DMGDH: variants seen among roughly 807,000 people sequenced by gnomAD.
The protein encoded by DMGDH is dimethylglycine dehydrogenase, mitochondrial.
Under a neutral mutation model 95.2 loss-of-function variants are expected in DMGDH, and 76 were observed. The ratio of observed to expected loss-of-function variants is 0.80; its 90% CI spans 0.66 to 0.97. The LOEUF (loss-of-function observed/expected upper bound fraction) is 0.97, where lower values mean the gene tolerates loss of function less well. Among genes scored for constraint, DMGDH ranks in the 50% least tolerant of loss-of-function variants. The probability of loss-of-function intolerance (pLI) is 0.00; values close to 1 mark genes in which losing one functional copy is unlikely to be tolerated. For synonymous variants in DMGDH, 345 were observed against 377.6 expected (o/e 0.91, Z 1.00); for missense variants, 987 against 1,055.0 (o/e 0.94, Z 0.89).
At chr5:79,051,731 G>T (rs1754870391) in intron 4 of DMGDH, among the ~76,000 whole-genome samples, 1 of 152,044 alleles carries the variant, frequency 6.6e-6, no homozygotes, top group Non-Finnish European at 1.5e-5. Context: ...TCTGACATTT[G>T]AAGACAAATC....
At chr5:79,050,260 A>T (rs1754805757) in intron 5 of DMGDH, among the ~76,000 whole-genome samples, 1 of 58,996 alleles carries the variant, frequency 1.7e-5, no homozygotes, top group African/African-American at 6.4e-5. Context: ...AAAAAAAAAA[A>T]AAAAAAAAAA....
intron 14 of DMGDH, among the ~76,000 whole-genome samples, chr5:79,016,475 T>G (rs753120824): frequency 1.3e-5 from 2 of 152,082 alleles, no homozygotes; most frequent in African/African-American, 2.4e-5. Context: ...AAATTAAAAA[T>G]ACCATCTACA....
At chr5:79,059,401 C>A (rs187980099) in intron 2 of DMGDH, among the ~76,000 whole-genome samples, 46 of 152,326 alleles carry the variant, frequency 3.0e-4, no homozygotes, top group African/African-American at 1.1e-3. Context: ...CATCCTGACA[C>A]CCCTTCCTCT....
rs1473273160 is a variant in DMGDH at position 79,051,310 on chromosome 5, GCTC to G, written c.719_721del (p.Arg240_Ala241delinsThr). 4 of 1,614,066 alleles carry G rather than the reference GCTC, an allele frequency of 2.5e-6. No homozygotes were observed. The South Asian group carries it at 4.4e-5, about 18-fold the overall frequency. On this transcript the variant is annotated inframe_deletion, in exon 5 of 16. Transcript: ENST00000255189. The stretch of plus-strand genomic sequence containing the variant: ...ACCTGCAGCATTCACAATTCTATTT[GCTC>G]TCATAGACCCCTGTGGTGTTTCAAC...
Position 79,032,770 on chromosome 5 carries a change from C to T in DMGDH, c.1434G>A (p.Leu478=), listed in dbSNP as rs1754223932. Residue 478 remains leucine, a synonymous_variant, in exon 9 of 16, where the codon CTG becomes CTA. Coordinates refer to ENST00000255189, the MANE Select transcript of DMGDH (RefSeq NM_013391.3). ...TQRVSGLYQR[L]ESKCSMGFHA... ...GGAACCCCATGGAACACTTAGACTCCAGCCTTTGATAGAGCCCACTGACTC... is the reference window on the plus strand; with the variant it reads ...GGAACCCCATGGAACACTTAGACTCTAGCCTTTGATAGAGCCCACTGACTC... The T allele has an allele frequency of 1.2e-6, 2 of 1,614,064 alleles. No homozygotes were observed. Among genetic ancestry groups the T allele is most frequent in the Admixed American group, 3.3e-5 (2 of 60,006 alleles).
At chr5:79,060,268 C>A (rs1755160322) in intron 2 of DMGDH, among the ~76,000 whole-genome samples, 1 of 152,230 alleles carries the variant, frequency 6.6e-6, no homozygotes, top group African/African-American at 2.4e-5. Context: ...TTGGTACCAT[C>A]CCCAAGGGCA....
intron 6 of DMGDH, among the ~76,000 whole-genome samples, chr5:79,042,775 TAA>T (rs5868946): frequency 0.55 from 83,900 of 151,658 alleles, 23,395 homozygotes; most frequent in East Asian, 0.78. Flanking sequence ...CAGTTTTTTT[TAA>T]AAAAAAACTA....
At chr5:78,999,323 C>A (rs950776159) in intron 15 of DMGDH, among the ~76,000 whole-genome samples, 1 of 152,080 alleles carries the variant, frequency 6.6e-6, no homozygotes, top group East Asian at 1.9e-4. Flanking sequence ...CATATGATTT[C>A]TCTCTCTCTT....
intron 5 of DMGDH, among the ~76,000 whole-genome samples, 155 bp from the exon 6 acceptor site, chr5:79,044,707 C>T (rs1361697527): frequency 6.6e-6 from 1 of 152,074 alleles, no homozygotes; most frequent in Non-Finnish European, 1.5e-5. Flanking sequence ...TTTGTCATTG[C>T]AAAACTGAAT....
Position 79,043,323 on chromosome 5 carries a change from G to T in DMGDH, c.995-842C>A, listed in dbSNP as rs1331675178. Among the ~76,000 whole-genome samples the T allele has an allele frequency of 5.5e-4, 83 of 152,278 alleles. 1 individual carries two copies. The highest frequency in any genetic ancestry group is 5.4e-3 in the Admixed American group (83 of 15,304). ...TCAAGATTTATTTGAAGGAGAAGCT[G>T]CCAGCATGGGGGAACAGCAGAGAGG... is the stretch of plus-strand genomic sequence containing the variant. On this transcript the variant is annotated intron_variant, in intron 6 of 15. Transcript: ENST00000255189.
rs529386231 is a variant in DMGDH, at chr5:79,064,562, T to C, written c.102-775A>G. ...AAGTTTATTTTTAAATGTATTTTTCTTTTTTCAATAATAAATTAACAGCTT... is the reference window on the plus strand; with the variant it reads ...AAGTTTATTTTTAAATGTATTTTTCCTTTTTCAATAATAAATTAACAGCTT... On this transcript the variant is annotated intron_variant, in intron 1 of 15. Coordinates refer to ENST00000255189, the MANE Select transcript of DMGDH (RefSeq NM_013391.3). 9.2e-5 allele frequency among the ~76,000 whole-genome samples: 14 copies of C among 152,254 alleles called. No homozygotes were observed. In the South Asian group the frequency reaches 2.9e-3, roughly 32 times the overall value.
At chr5:79,037,908 T>C (rs1754389672) in intron 7 of DMGDH, among the ~76,000 whole-genome samples, 1 of 152,172 alleles carries the variant, frequency 6.6e-6, no homozygotes, top group Admixed American at 6.5e-5. Flanking sequence ...AAATCATTGT[T>C]CAAAGACATT....
chr5:79,057,825 T>C (rs1300656492), intron 2 of DMGDH, among the ~76,000 whole-genome samples: 1 of 152,190 alleles, frequency 6.6e-6, no homozygotes, highest in East Asian at 1.9e-4. Flanking sequence ...TTGAGAAATC[T>C]GGTCATCACA....
chr5:79,039,326 A>C (rs1211084859), intron 7 of DMGDH, among the ~76,000 whole-genome samples: 1 of 152,186 alleles, frequency 6.6e-6, no homozygotes, highest in African/African-American at 2.4e-5. Context: ...CAACAATGAT[A>C]GACTGGATTA....
At chr5:79,060,066 C>T (rs144439078) in intron 2 of DMGDH, among the ~76,000 whole-genome samples, 6 of 152,310 alleles carry the variant, frequency 3.9e-5, no homozygotes, top group African/African-American at 2.4e-5. Flanking sequence ...GCCAACCTCC[C>T]GCGTAGTCAA....
rs773120997 is a variant in DMGDH, at chr5:79,054,367, T to C, written c.376-19A>G. The C allele has an allele frequency of 3.1e-6, 5 of 1,613,490 alleles. No homozygotes were observed. In the South Asian group the frequency reaches 4.4e-5, roughly 14 times the overall value. ...CCACCACCTGTGACAATAATTCCAG[T>C]GAGAGCATATAAATAAGTCATTGTT... is the stretch of plus-strand genomic sequence containing the variant. On this transcript the variant is annotated intron_variant, in intron 3 of 15. Coordinates refer to ENST00000255189, the MANE Select transcript of DMGDH (RefSeq NM_013391.3).
chr5:79,058,602 T>C (rs1218977850), intron 2 of DMGDH, among the ~76,000 whole-genome samples: 6 of 152,090 alleles, frequency 3.9e-5, no homozygotes, highest in Admixed American at 6.6e-5. Context: ...ACAGAAGTCA[T>C]AGGAAAGGAG....
intron 14 of DMGDH, 38 bp from the exon 15 acceptor site, chr5:79,005,445 C>T: frequency 1.2e-6 from 2 of 1,613,598 alleles, no homozygotes; most frequent in Non-Finnish European, 1.7e-6. Context: ...AATGAATGCT[C>T]AGACACTGTG....
At chr5:79,039,605 C>T (rs1024277344) in intron 7 of DMGDH, among the ~76,000 whole-genome samples, 3 of 151,924 alleles carry the variant, frequency 2.0e-5, no homozygotes, top group South Asian at 2.1e-4. Flanking sequence ...ACACCTAATG[C>T]TAAATGACGA....
Sources: allele counts gnomAD v4.1 joint callset (sites outside exome capture counted in the v4.1 genomes callset), GRCh38; gene constraint gnomAD v4.1.1; transcripts MANE v1.5; gene names NCBI Gene and HGNC (gene_info 2026-07-23, HGNC 2026-07-21).